The following SNRPD3 variants were observed in gnomAD, a reference collection of about 807,000 sequenced individuals.
SNRPD3 encodes small nuclear ribonucleoprotein Sm D3.
For missense variants in SNRPD3, 73 were observed against 167.5 expected, an observed-to-expected ratio of 0.44 and a Z score of 3.11; for synonymous variants, 66 against 58.4, an observed-to-expected ratio of 1.13 and a Z score of -0.59.
intron 2 of SNRPD3, among the ~76,000 whole-genome samples, chr22:24,558,542 G>A (rs2045102314): frequency 6.6e-6 from 1 of 152,168 alleles, no homozygotes; most frequent in African/African-American, 2.4e-5. Context: ...TGTAAAATGG[G>A]GGTGGTATTA....
At chr22:24,559,032 G>T (rs952038221) in intron 2 of SNRPD3, among the ~76,000 whole-genome samples, 2 of 152,210 alleles carry the variant, frequency 1.3e-5, no homozygotes, top group African/African-American at 4.8e-5. Context: ...TGAGCTGTAT[G>T]TGTGCCATAG....
intron 2 of SNRPD3, among the ~76,000 whole-genome samples, chr22:24,559,546 A>C (rs987764188): frequency 6.6e-6 from 1 of 152,198 alleles, no homozygotes; most frequent in African/African-American, 2.4e-5. Context: ...TAACCTTGGT[A>C]GCCATTCAGA....
In SNRPD3 at chr22:24,570,613, G is replaced by A. The variant is rs56393706; in HGVS notation, c.320-1303G>A. On this transcript the variant is annotated intron_variant, in intron 3 of 3. Coordinates refer to ENST00000215829, the MANE Select transcript of SNRPD3 (RefSeq NM_004175.5). Reference sequence around the variant, plus strand: ...CAGGAGAATCGCTTGAACCCAGGAGGTGGAGGTTGCAGTGAGCCGAAATCG... The same window carrying A: ...CAGGAGAATCGCTTGAACCCAGGAGATGGAGGTTGCAGTGAGCCGAAATCG... Among the ~76,000 whole-genome samples, 1,373 of 152,104 alleles carry A rather than the reference G, an allele frequency of 9.0e-3. 10 individuals carry two copies. The highest frequency in any genetic ancestry group is 0.018 in the South Asian group (88 of 4,818).
chr22:24,556,383 T>G (rs958620981), intron 1 of SNRPD3, among the ~76,000 whole-genome samples: 1 of 151,814 alleles, frequency 6.6e-6, no homozygotes, highest in Non-Finnish European at 1.5e-5. Flanking sequence ...TTTGTTTTTT[T>G]TTTTTTAAGT....
intron 1 of SNRPD3, among the ~76,000 whole-genome samples, chr22:24,556,720 T>C (rs912386821): frequency 3.9e-5 from 6 of 152,264 alleles, no homozygotes; most frequent in Non-Finnish European, 8.8e-5. Context: ...TCTGCAGTGG[T>C]TCTCCACTAC....
At chr22:24,569,608 A>G (rs1315450876) in intron 3 of SNRPD3, among the ~76,000 whole-genome samples, 2 of 151,868 alleles carry the variant, frequency 1.3e-5, no homozygotes, top group Admixed American at 6.6e-5. Context: ...AGCCTGAAAA[A>G]CCACAGGTTG....
intron 1 of SNRPD3, 84 bp from the exon 2 acceptor site, chr22:24,557,573 C>G (rs1046411215): frequency 1.1e-6 from 1 of 935,246 alleles, no homozygotes; most frequent in Admixed American, 2.3e-5. Context: ...TTATGGAGTG[C>G]CAGGCCTTAA....
At chr22:24,558,302 T>C (rs2147117512) in intron 2 of SNRPD3, among the ~76,000 whole-genome samples, 1 of 152,368 alleles carries the variant, frequency 6.6e-6, no homozygotes, top group Non-Finnish European at 1.5e-5. Flanking sequence ...CTCATCACTC[T>C]GATGATAAAT....
At position 24,572,585 on chromosome 22, in the gene SNRPD3, A is replaced by T; in HGVS notation, c.*608A>T. 5.8e-6 allele frequency: 1 copy of T among 172,090 alleles called. No individual in the cohort carries two copies. The highest frequency in any genetic ancestry group is 1.4e-4 in the South Asian group (1 of 7,302). 10.7% of individuals were successfully genotyped at this position (172,090 alleles called of 1,614,324 possible). ...AGACCAGCCTGGCCAATATGGTGAAACCTCGTGTGTACTAAAAATAAAAAA... is the reference window on the plus strand; with the variant it reads ...AGACCAGCCTGGCCAATATGGTGAATCCTCGTGTGTACTAAAAATAAAAAA... On this transcript the variant is annotated 3_prime_UTR_variant, in exon 4 of 4. Coordinates refer to ENST00000215829, the MANE Select transcript of SNRPD3 (RefSeq NM_004175.5).
intron 3 of SNRPD3, 110 bp from the exon 4 acceptor site, chr22:24,571,806 G>C: frequency 9.6e-7 from 1 of 1,038,002 alleles, no homozygotes; most frequent in Non-Finnish European, 1.5e-6. Flanking sequence ...TGTTGGACCA[G>C]GTAACCCTTC....
intron 2 of SNRPD3, among the ~76,000 whole-genome samples, chr22:24,562,313 G>A (rs150692349): frequency 0.066 from 9,967 of 152,136 alleles, 813 homozygotes; most frequent in African/African-American, 0.19. Context: ...AGGCTGAGGC[G>A]GGCAGATCAC....
In SNRPD3 at chr22:24,563,303, TA is replaced by T. The variant is rs1312060683; in HGVS notation, c.127-4680del. The stretch of plus-strand genomic sequence containing the variant: ...ATGTGTGTGTGTGTGTATATATATA[TA>T]TATTTTTTTTTTTAAAGGAAGAAGA... On this transcript the variant is annotated intron_variant, in intron 2 of 3. Transcript: ENST00000215829. Among the ~76,000 whole-genome samples, 651 of 118,532 alleles carry T rather than the reference TA, an allele frequency of 5.5e-3. 3 individuals carry two copies. The highest frequency in any genetic ancestry group is 0.021 in the African/African-American group (520 of 24,468). 77.8% of individuals were successfully genotyped at this position (118,532 alleles called of 152,430 possible).
intron 2 of SNRPD3, among the ~76,000 whole-genome samples, chr22:24,566,201 A>C (rs565461183): frequency 6.6e-6 from 1 of 152,338 alleles, no homozygotes; most frequent in South Asian, 2.1e-4. Context: ...GAACAGGGAT[A>C]GTGGGTAGAA....
rs11912571 is a variant in SNRPD3 at position 24,573,483 on chromosome 22, T to G, written c.*1506T>G. ...TTAACCTGGCATCAATTAATGAGGT[T>G]CTAATAAGCTTTGTCTTATGATACT... is the stretch of plus-strand genomic sequence containing the variant. On this transcript the variant is annotated 3_prime_UTR_variant, in exon 4 of 4. Coordinates refer to ENST00000215829, the MANE Select transcript of SNRPD3 (RefSeq NM_004175.5). Among the ~76,000 whole-genome samples, 1,683 of 152,320 alleles carry G rather than the reference T, an allele frequency of 0.011. 33 individuals are homozygous for G. The highest frequency in any genetic ancestry group is 0.037 in the African/African-American group (1,544 of 41,562).
At chr22:24,563,309 T>A (rs1008643497) in intron 2 of SNRPD3, among the ~76,000 whole-genome samples, 63 of 145,312 alleles carry the variant, frequency 4.3e-4, no homozygotes, top group African/African-American at 1.5e-3. Flanking sequence ...TATATATATT[T>A]TTTTTTTTAA....
chr22:24,564,329 C>T (rs1237752363), intron 2 of SNRPD3, among the ~76,000 whole-genome samples: 2 of 152,190 alleles, frequency 1.3e-5, no homozygotes, highest in Non-Finnish European at 2.9e-5. Flanking sequence ...TTCTCTCTCT[C>T]CCCCTCAGGA....
At chr22:24,563,306 A>AT (rs139630564) in intron 2 of SNRPD3, among the ~76,000 whole-genome samples, 56 of 65,184 alleles carry the variant, frequency 8.6e-4, no homozygotes, top group South Asian at 3.3e-3. Context: ...ATATATATAT[A>AT]TTTTTTTTTT....
At chr22:24,560,380 C>G (rs2045122725) in intron 2 of SNRPD3, among the ~76,000 whole-genome samples, 1 of 149,190 alleles carries the variant, frequency 6.7e-6, no homozygotes, top group East Asian at 2.0e-4. Context: ...CCTCGACCTC[C>G]CAAAGTGCTG....
chr22:24,572,413 G>A lies in SNRPD3; in HGVS notation c.*436G>A. 3 of 417,340 alleles carry A rather than the reference G, an allele frequency of 7.2e-6. No individual in the cohort carries two copies. Among genetic ancestry groups the A allele is most frequent in the Non-Finnish European group, 1.3e-5 (3 of 229,520 alleles). The allele number at this position is 417,340 out of a possible 1,614,324, so 25.9% of individuals were successfully genotyped here. ...ACTTTGTTCAGTTAACATTTGTGGA[G>A]CTGTCATCAGCTCAGCTTTAACAAC... On this transcript the variant is annotated 3_prime_UTR_variant, in exon 4 of 4. Transcript: ENST00000215829.
Sources: gnomAD v4.1 joint callset for allele counts (sites outside exome capture counted in the v4.1 genomes callset) on GRCh38, gnomAD v4.1.1 for gene constraint, MANE v1.5 for transcripts, NCBI Gene and HGNC (gene_info 2026-07-23, HGNC 2026-07-21) for gene names.